The following SYTL2 variants were observed in gnomAD, a reference collection of about 807,000 sequenced individuals.
The protein encoded by SYTL2 is synaptotagmin-like protein 2.
A neutral mutation model predicts 198.7 loss-of-function variants in SYTL2; 165 were observed. The ratio of observed to expected loss-of-function variants is 0.83; its 90% CI spans 0.73 to 0.94. The LOEUF is 0.94. SYTL2 is among the 40% of genes least tolerant of loss of function. The pLI, the probability that SYTL2 is intolerant of heterozygous loss-of-function variation, is 0.00. For missense variants in SYTL2, 2,835 were observed against 2,582.8 expected (o/e 1.10, Z -2.12); for synonymous variants, 966 against 917.7 (o/e 1.05, Z -0.95).
intron 1 of SYTL2, among the ~76,000 whole-genome samples, chr11:85,761,253 G>A (rs1030221330): frequency 6.6e-6 from 1 of 152,236 alleles, no homozygotes; most frequent in Non-Finnish European, 1.5e-5. Context: ...AAAGGGAAGG[G>A]AGGAGAATAA....
At chr11:85,768,138 C>CCTGCTCAATTCCAT (rs1272215022) in intron 1 of SYTL2, among the ~76,000 whole-genome samples, 1 of 152,180 alleles carries the variant, frequency 6.6e-6, no homozygotes, top group African/African-American at 2.4e-5. Context: ...TAGTCCCAGA[C>CCTGCTCAATTCCAT]CTGCTCAATT....
chr11:85,702,504 A>G (rs1399599843), intron 16 of SYTL2, among the ~76,000 whole-genome samples: 1 of 152,140 alleles, frequency 6.6e-6, no homozygotes, highest in African/African-American at 2.4e-5. Flanking sequence ...GTGATTTAAT[A>G]AGTCCTTCAG....
chr11:85,720,997 CAAAA>C (rs199548160), intron 8 of SYTL2, 38 bp from the exon 9 acceptor site: 6 of 918,876 alleles, frequency 6.5e-6, no homozygotes, highest in Non-Finnish European at 8.1e-6. Context: ...TGCACAATAC[CAAAA>C]AAAAAAAAAA....
chr11:85,819,060 G>T, the SYTL2 span, among the ~76,000 whole-genome samples: 4 of 152,070 alleles, frequency 2.6e-5, no homozygotes, highest in African/African-American at 9.7e-5. Flanking sequence ...AAGAGTTTAT[G>T]ATTTTTAAGA....
intron 2 of SYTL2, among the ~76,000 whole-genome samples, chr11:85,753,712 C>A (rs2091686124): frequency 6.9e-6 from 1 of 144,606 alleles, no homozygotes; most frequent in Admixed American, 7.2e-5. Context: ...CTGCACTGAG[C>A]TATGATTGCC....
chr11:85,705,488 C>T (rs1005968624), intron 15 of SYTL2, among the ~76,000 whole-genome samples: 5 of 152,090 alleles, frequency 3.3e-5, no homozygotes, highest in Admixed American at 3.3e-4. Context: ...TTCCCATATG[C>T]CATGTATGCT....
rs369267760 is a variant in SYTL2, at chr11:85,757,719, C to T, written c.7G>A (p.Asp3Asn). Residue 3 changes from aspartate to asparagine, a missense_variant, in exon 2 of 20, where the codon GAC becomes AAC. Transcript: ENST00000359152. Reference sequence around the variant, plus strand: ...TCCTCTTCAGTCAGGAAGCTTAAGTCAATCATTTTGAAAAGTGCATGCAAA... The same window carrying T: ...TCCTCTTCAGTCAGGAAGCTTAAGTTAATCATTTTGAAAAGTGCATGCAAA... MI[D>N]LSFLTEEEQE... is the part of the protein sequence containing the mutation. The T allele has an allele frequency of 1.5e-5, 24 of 1,612,508 alleles. No homozygotes were observed. The highest frequency in any genetic ancestry group is 2.0e-5 in the Non-Finnish European group (24 of 1,179,918).
intron 1 of SYTL2, among the ~76,000 whole-genome samples, chr11:85,765,722 A>G (rs1189142027): frequency 6.6e-6 from 1 of 152,212 alleles, no homozygotes; most frequent in Non-Finnish European, 1.5e-5. Context: ...GTCTCAAATT[A>G]TGAATGAAGA....
intron 16 of SYTL2, among the ~76,000 whole-genome samples, chr11:85,701,730 A>G (rs1315399094): frequency 1.3e-5 from 2 of 152,176 alleles, no homozygotes; most frequent in Non-Finnish European, 2.9e-5. Flanking sequence ...TATGGTTTGT[A>G]TTAGTTATTT....
intron 1 of SYTL2, among the ~76,000 whole-genome samples, chr11:85,770,842 A>G (rs1160805796): frequency 2.6e-5 from 4 of 152,136 alleles, no homozygotes; most frequent in African/African-American, 9.7e-5. Context: ...TGAGCCCAAT[A>G]ATACTTATCC....
intron 17 of SYTL2, among the ~76,000 whole-genome samples, chr11:85,699,088 T>C (rs1185542757): frequency 1.3e-5 from 2 of 152,226 alleles, no homozygotes; most frequent in African/African-American, 2.4e-5. Flanking sequence ...ATACAGAGAA[T>C]ACATGAAATA....
chr11:85,754,350 T>C (rs2091732854), intron 2 of SYTL2, among the ~76,000 whole-genome samples: 1 of 152,174 alleles, frequency 6.6e-6, no homozygotes. Flanking sequence ...TTCTACTACA[T>C]TAAATAATTA....
intron 1 of SYTL2, among the ~76,000 whole-genome samples, chr11:85,798,392 G>A (rs1212309575): frequency 2.0e-5 from 3 of 152,134 alleles, no homozygotes; most frequent in Non-Finnish European, 4.4e-5. Context: ...TGAGAAATGG[G>A]CCCTTCTCTT....
intron 9 of SYTL2, among the ~76,000 whole-genome samples, chr11:85,719,761 AT>A (rs1212787190): frequency 6.6e-6 from 1 of 152,186 alleles, no homozygotes; most frequent in African/African-American, 2.4e-5. Flanking sequence ...CAAATTGGGA[AT>A]ACTGTCTTCA....
At chr11:85,696,533 G>C (rs1286460437) in intron 18 of SYTL2, 145 bp from the exon 19 acceptor site, 2 of 674,216 alleles carry the variant, frequency 3.0e-6, no homozygotes, top group Non-Finnish European at 5.2e-6. Flanking sequence ...GGCAGACAGT[G>C]GGGTAGGGGG....
intron 1 of SYTL2, among the ~76,000 whole-genome samples, chr11:85,772,182 G>A (rs683105): frequency 0.58 from 87,869 of 152,120 alleles, 25,993 homozygotes; most frequent in Middle Eastern, 0.64. Flanking sequence ...TTACAGGCAC[G>A]TGCCTGGCTG....
intron 16 of SYTL2, 67 bp downstream of exon 16, chr11:85,704,791 G>A (rs2084867949): frequency 1.5e-6 from 2 of 1,320,868 alleles, no homozygotes; most frequent in Non-Finnish European, 2.1e-6. Context: ...ATGCAATTAA[G>A]CTTTTTCCTA....
chr11:85,717,809 C>T (rs975927641), intron 10 of SYTL2: 8 of 481,920 alleles, frequency 1.7e-5, no homozygotes, highest in Admixed American at 1.3e-4. Flanking sequence ...GAGCACTGGA[C>T]TAGGAGTAAT....
At chr11:85,718,118 C>A in intron 10 of SYTL2, 1 of 169,478 alleles carries the variant, frequency 5.9e-6, no homozygotes, top group South Asian at 1.4e-4. Flanking sequence ...ATCCAGCATG[C>A]AAATACAAAT....
Sources: gnomAD v4.1 joint callset for allele counts (sites outside exome capture counted in the v4.1 genomes callset) on GRCh38, gnomAD v4.1.1 for gene constraint, MANE v1.5 for transcripts, NCBI Gene and HGNC (gene_info 2026-07-23, HGNC 2026-07-21) for gene names.